CMIP: variants seen among roughly 807,000 people sequenced by gnomAD.
CMIP encodes c-Maf inducing protein, also known as C-Maf-inducing protein.
CMIP carries 13 observed loss-of-function variants against 97.3 expected under a neutral mutation model. That is an observed-to-expected ratio of 0.13 (90% CI 0.09 to 0.21). CMIP has a LOEUF of 0.21. Ranked by LOEUF, CMIP falls within the 10% of genes least tolerant of loss-of-function variation. The pLI is 1.00. For missense variants in CMIP, 847 were observed against 1,024.9 expected (o/e 0.83, Z 2.37); for synonymous variants, 538 against 436.3 (o/e 1.23, Z -2.91).
chr16:81,549,759 C>G (rs1041403008), intron 1 of CMIP, among the ~76,000 whole-genome samples: 3 of 152,224 alleles, frequency 2.0e-5, no homozygotes, highest in Non-Finnish European at 4.4e-5. Context: ...GGTGCCCCAG[C>G]AGGGCACAGG....
chr16:81,618,946 G>T (rs1455251017), intron 2 of CMIP: 1 of 152,234 alleles, frequency 6.6e-6, no homozygotes, highest in South Asian at 2.1e-4. Flanking sequence ...ATTGTCACAA[G>T]ACCAGTAGAG....
intron 1 of CMIP, chr16:81,603,368 C>T: frequency 2.2e-6 from 1 of 454,306 alleles, no homozygotes; most frequent in Non-Finnish European, 4.4e-6. Context: ...AGGCGTGAGC[C>T]ACCGCGCCCG....
At position 81,652,271 on chromosome 16, in the gene CMIP, C is replaced by A. The variant is rs1160706933; in HGVS notation, c.546C>A (p.Ile182=). 1.2e-6 allele frequency: 2 copies of A among 1,613,418 alleles called. No homozygotes were observed. The highest frequency in any genetic ancestry group is 2.2e-5 in the East Asian group (1 of 44,898). The part of the protein sequence containing the change: ...PSRWEVVLKE[I]RTLVDMALTS... The stretch of plus-strand genomic sequence containing the variant: ...GCTGGGAAGTTGTCTTGAAAGAGAT[C>A]CGGACCCTGGTGGACATGGCCCTGA... The change falls in exon 4 of 21, where the codon ATC becomes ATA. Residue 182 remains isoleucine (I), a synonymous_variant. Coordinates refer to ENST00000537098, the MANE Select transcript of CMIP (RefSeq NM_198390.3). The surrounding 1 kb of genome is among the most constrained non-coding windows in gnomAD (Gnocchi z 5.2).
intron 1 of CMIP, among the ~76,000 whole-genome samples, chr16:81,556,559 A>G (rs972976254): frequency 6.6e-6 from 1 of 152,132 alleles, no homozygotes; most frequent in African/African-American, 2.4e-5. Flanking sequence ...GTGTCTCCAG[A>G]GACAGAAGGT....
chr16:81,565,104 G>C (rs2090955605), intron 1 of CMIP, among the ~76,000 whole-genome samples: 1 of 152,108 alleles, frequency 6.6e-6, no homozygotes, highest in Non-Finnish European at 1.5e-5. Context: ...GGCAGGCTCA[G>C]TTTAGGGAGT....
chr16:81,675,562 A>G (rs1904295372), intron 9 of CMIP, among the ~76,000 whole-genome samples: 1 of 152,104 alleles, frequency 6.6e-6, no homozygotes. Flanking sequence ...CTACTTCAGA[A>G]TCACCTGGAC....
chr16:81,616,153 ATTTT>A lies in CMIP; in HGVS notation c.427-4707_427-4704del, dbSNP rs11331169. The stretch of plus-strand genomic sequence containing the variant: ...ACATGTCATTAATTCATTCAGCTGT[ATTTT>A]TTTTTTTTTTTTTTTAACACCAGGC... On this transcript the variant is annotated intron_variant, in intron 2 of 20. Coordinates refer to ENST00000537098, the MANE Select transcript of CMIP (RefSeq NM_198390.3). The surrounding 1 kb of genome is among the most constrained non-coding windows in gnomAD (Gnocchi z 4.7). Among the ~76,000 whole-genome samples the A allele has an allele frequency of 3.1e-4, 41 of 132,710 alleles. No individual in the cohort carries two copies. The highest frequency in any genetic ancestry group is 1.0e-3 in the African/African-American group (36 of 35,664). The allele number at this position is 132,710 out of a possible 152,430, so 87.1% of individuals were successfully genotyped here. A position where few individuals can be genotyped will look rare whatever the true frequency, so the allele number is the denominator to read the frequency against.
At position 81,707,093 on chromosome 16, in the gene CMIP, C is replaced by T. The variant is rs747754624; in HGVS notation, c.2268+9C>T. The T allele has an allele frequency of 6.8e-6, 11 of 1,611,782 alleles. No homozygotes were observed. Among genetic ancestry groups the T allele is most frequent in the African/African-American group, 2.7e-5 (2 of 74,876 alleles). ...CCTACGAAGATCTGAAGGTAATTCC[C>T]TCCTTCCTCCCCACTCTCCTCCCCT... On this transcript the variant is annotated intron_variant, in intron 20 of 20. Coordinates refer to ENST00000537098, the MANE Select transcript of CMIP (RefSeq NM_198390.3).
chr16:81,657,391 T>G lies in CMIP; in HGVS notation c.640-384T>G, dbSNP rs1001111560. The stretch of plus-strand genomic sequence containing the variant: ...GGTCTGTTTCTTTACATACTTATTA[T>G]GAACCTGCCTTCTGGCTTCTAAGCA... On this transcript the variant is annotated intron_variant, in intron 4 of 20. Transcript: ENST00000537098. Among the ~76,000 whole-genome samples, 13 of 152,344 alleles carry G rather than the reference T, an allele frequency of 8.5e-5. No individual in the cohort carries two copies. In the South Asian group the frequency reaches 2.7e-3, roughly 32 times the overall value.
At chr16:81,466,956 T>TG (rs947414855) in intron 1 of CMIP, among the ~76,000 whole-genome samples, 2 of 152,228 alleles carry the variant, frequency 1.3e-5, no homozygotes, top group Non-Finnish European at 2.9e-5. Flanking sequence ...TGCCTAATTT[T>TG]GGGCCAGTTC....
intron 6 of CMIP, among the ~76,000 whole-genome samples, chr16:81,663,096 C>G (rs1467303809): frequency 1.1e-5 from 1 of 92,642 alleles, no homozygotes; most frequent in Non-Finnish European, 2.1e-5. Context: ...TTTTTTAACT[C>G]CAAAAAAAAA....
At chr16:81,492,541 C>A (rs1298322855) in intron 1 of CMIP, among the ~76,000 whole-genome samples, 2 of 152,182 alleles carry the variant, frequency 1.3e-5, no homozygotes, top group Admixed American at 6.5e-5. Flanking sequence ...TCGCGGTGGC[C>A]GGGAGCGAGT....
chr16:81,615,760 T>C (rs1440253917), intron 2 of CMIP, among the ~76,000 whole-genome samples: 1 of 151,926 alleles, frequency 6.6e-6, no homozygotes, highest in Non-Finnish European at 1.5e-5. Context: ...GGTGTATGTG[T>C]CTTTGTGTGT....
intron 9 of CMIP, among the ~76,000 whole-genome samples, chr16:81,674,377 C>T (rs1327147587): frequency 6.6e-6 from 1 of 152,208 alleles, no homozygotes; most frequent in Non-Finnish European, 1.5e-5. Context: ...GTGATCCACC[C>T]ACCTTGGCCT....
rs201427948 is a variant in CMIP at position 81,692,279 on chromosome 16, C to T, written c.1454+439C>T. On this transcript the variant is annotated intron_variant, in intron 11 of 20. Transcript: ENST00000537098. ...CTGTGCCGTACTGAGATGCTGGAAG[C>T]GCTCTAATTACGCCCGGTACAACGC... is the stretch of plus-strand genomic sequence containing the variant. 8.5e-5 allele frequency among the ~76,000 whole-genome samples: 13 copies of T among 152,340 alleles called. No individual in the cohort carries two copies. The East Asian group carries it at 1.7e-3, about 20-fold the overall frequency.
chr16:81,507,585 C>A (rs940543022), intron 1 of CMIP, among the ~76,000 whole-genome samples: 1 of 152,140 alleles, frequency 6.6e-6, no homozygotes, highest in Non-Finnish European at 1.5e-5. Flanking sequence ...ACATGGCTCC[C>A]CTTTGTGGGA....
At chr16:81,562,167 C>T (rs1468420051) in intron 1 of CMIP, among the ~76,000 whole-genome samples, 4 of 152,166 alleles carry the variant, frequency 2.6e-5, no homozygotes, top group Admixed American at 6.5e-5. Context: ...TGCAGCCAAC[C>T]GTTGTAAGTT....
intron 7 of CMIP, among the ~76,000 whole-genome samples, chr16:81,669,365 C>T (rs1261243418): frequency 1.3e-5 from 1 of 79,108 alleles, no homozygotes; most frequent in African/African-American, 3.6e-5. Flanking sequence ...TCCTTCCACA[C>T]CCACCTCACC....
intron 1 of CMIP, chr16:81,464,564 A>T (rs926535755): frequency 4.6e-5 from 7 of 152,138 alleles, no homozygotes; most frequent in Non-Finnish European, 7.3e-5. Context: ...TTTTAAAAAA[A>T]TTTTTTTATT....
Sources: gnomAD v4.1 joint callset for allele counts (sites outside exome capture counted in the v4.1 genomes callset) on GRCh38, gnomAD v4.1.1 for gene constraint, Gnocchi (gnomAD v3.1) non-coding constraint, MANE v1.5 for transcripts, NCBI Gene and HGNC (gene_info 2026-07-23, HGNC 2026-07-21) for gene names.